Variants in ADARB2 observed in about 807,000 individuals in gnomAD.
ADARB2 encodes inactive double-stranded RNA-specific editase B2.
A neutral mutation model predicts 62.2 loss-of-function variants in ADARB2; 25 were observed. The ratio of observed to expected loss-of-function variants is 0.40; its 90% CI spans 0.29 to 0.56. The LOEUF (loss-of-function observed/expected upper bound fraction) is 0.56. Among genes scored for constraint, ADARB2 ranks in the 20% least tolerant of loss-of-function variants. ADARB2 has a pLI of 0.43. For missense variants in ADARB2, 1,071 were observed against 1,077.4 expected (o/e 0.99, Z 0.08); for synonymous variants, 572 against 500.8 (o/e 1.14, Z -1.90).
intron 6 of ADARB2, among the ~76,000 whole-genome samples, chr10:1,229,358 C>A (rs1416839624): frequency 6.6e-6 from 1 of 152,148 alleles, no homozygotes; most frequent in African/African-American, 2.4e-5. Flanking sequence ...AATTCCTGGT[C>A]CTGCTGAGCT....
chr10:1,189,528 G>C (rs1836809159), intron 8 of ADARB2, among the ~76,000 whole-genome samples: 1 of 152,098 alleles, frequency 6.6e-6, no homozygotes, highest in African/African-American at 2.4e-5. Context: ...TTTAACTCCT[G>C]TGGCTGGAAA....
chr10:1,461,364 T>C (rs1161096815), intron 1 of ADARB2, among the ~76,000 whole-genome samples: 2 of 152,222 alleles, frequency 1.3e-5, no homozygotes, highest in South Asian at 2.1e-4. Context: ...TCAGAAAATA[T>C]GGTCACTGTA....
chr10:1,492,233 A>G (rs1831631115), intron 1 of ADARB2, among the ~76,000 whole-genome samples: 1 of 152,136 alleles, frequency 6.6e-6, no homozygotes, highest in Admixed American at 6.5e-5. Flanking sequence ...GGCTTCAGAG[A>G]TAGGGATTGT....
intron 3 of ADARB2, among the ~76,000 whole-genome samples, chr10:1,279,748 T>C (rs1174146191): frequency 6.6e-6 from 1 of 152,222 alleles, no homozygotes. Flanking sequence ...TTGTTGCCTC[T>C]TTCTCTCTCT....
chr10:1,706,641 G>T (rs549663996), intron 1 of ADARB2, among the ~76,000 whole-genome samples: 1 of 152,210 alleles, frequency 6.6e-6, no homozygotes, highest in African/African-American at 2.4e-5. Context: ...CCTGGCGCTG[G>T]ACTAGAATCT....
chr10:1,401,853 A>G (rs1186384851), intron 1 of ADARB2, among the ~76,000 whole-genome samples: 2 of 152,304 alleles, frequency 1.3e-5, no homozygotes, highest in East Asian at 3.9e-4. Context: ...AAACACAAAC[A>G]GGTGCTAGTG....
intron 3 of ADARB2, among the ~76,000 whole-genome samples, chr10:1,284,251 G>C (rs1296982413): frequency 6.6e-6 from 1 of 152,182 alleles, no homozygotes; most frequent in African/African-American, 2.4e-5. Flanking sequence ...GACCGGCAGG[G>C]TGACAGGGCT....
At chr10:1,655,016 C>G (rs1007207591) in intron 1 of ADARB2, among the ~76,000 whole-genome samples, 1 of 152,204 alleles carries the variant, frequency 6.6e-6, no homozygotes, top group Non-Finnish European at 1.5e-5. Context: ...AGGGTGAGGA[C>G]GCGGTCGGGA....
chr10:1,636,540 G>A (rs1024700257), intron 1 of ADARB2, among the ~76,000 whole-genome samples: 5 of 152,032 alleles, frequency 3.3e-5, no homozygotes, highest in Admixed American at 3.3e-4. Context: ...TGGTGCCTAT[G>A]TAATGTGGGG....
intron 3 of ADARB2, among the ~76,000 whole-genome samples, chr10:1,298,784 G>T (rs1831547363): frequency 2.5e-5 from 3 of 118,124 alleles, no homozygotes; most frequent in African/African-American, 3.3e-5. Context: ...GATTTGCCCA[G>T]GCTGGAGTGC....
chr10:1,198,530 C>G (rs1836940461), intron 8 of ADARB2, among the ~76,000 whole-genome samples: 2 of 152,238 alleles, frequency 1.3e-5, no homozygotes, highest in Admixed American at 1.3e-4. Context: ...AAGATTTAGG[C>G]TCATTTGCAT....
chr10:1,506,247 T>C (rs181587031), intron 1 of ADARB2, among the ~76,000 whole-genome samples: 1 of 152,304 alleles, frequency 6.6e-6, no homozygotes, highest in East Asian at 1.9e-4. Context: ...GTTTGAATTT[T>C]GTCGTGCGGC....
At chr10:1,632,227 G>A (rs1833852072) in intron 1 of ADARB2, among the ~76,000 whole-genome samples, 1 of 152,108 alleles carries the variant, frequency 6.6e-6, no homozygotes, top group Admixed American at 6.6e-5. Context: ...CACTTGTGCA[G>A]GCATGTGCAC....
chr10:1,394,492 A>G (rs1832595029), intron 1 of ADARB2, among the ~76,000 whole-genome samples: 1 of 152,122 alleles, frequency 6.6e-6, no homozygotes, highest in African/African-American at 2.4e-5. Flanking sequence ...ATAATCTCCT[A>G]TTCATCATGT....
chr10:1,424,832 C>CCGGGG (rs1832881740), intron 1 of ADARB2, among the ~76,000 whole-genome samples: 1 of 152,036 alleles, frequency 6.6e-6, no homozygotes, highest in African/African-American at 2.4e-5. Flanking sequence ...TTTGGTTGCC[C>CCGGGG]CGAGATGTTT....
intron 3 of ADARB2, chr10:1,292,775 A>G (rs1226781562): frequency 1.3e-5 from 2 of 152,194 alleles, no homozygotes; most frequent in East Asian, 1.9e-4. Context: ...AGGACACCCC[A>G]ACGGGGAACA....
chr10:1,735,873 G>A (rs979752920), intron 1 of ADARB2, among the ~76,000 whole-genome samples: 5 of 152,262 alleles, frequency 3.3e-5, no homozygotes, highest in Middle Eastern at 3.4e-3. Context: ...TCTATTATTG[G>A]AAGAGGCAAT....
intron 1 of ADARB2, chr10:1,526,790 G>A (rs761065169): frequency 4.0e-6 from 2 of 504,334 alleles, no homozygotes; most frequent in Non-Finnish European, 8.3e-6. Context: ...AGCTGTTCCC[G>A]CCTCCTCCTG....
At chr10:1,457,673 G>T (rs139996642) in intron 1 of ADARB2, among the ~76,000 whole-genome samples, 11 of 152,244 alleles carry the variant, frequency 7.2e-5, no homozygotes, top group Non-Finnish European at 1.6e-4. Flanking sequence ...GTGACAGAAG[G>T]CCACATAGCT....
Sources: allele counts gnomAD v4.1 joint callset (sites outside exome capture counted in the v4.1 genomes callset), GRCh38; gene constraint gnomAD v4.1.1; transcripts MANE v1.5; gene names NCBI Gene and HGNC (gene_info 2026-07-23, HGNC 2026-07-21).